The following COBLL1 variants were observed in gnomAD, a reference collection of about 807,000 sequenced individuals.
COBLL1 encodes cordon-bleu protein-like 1.
A neutral mutation model predicts 94.8 loss-of-function variants in COBLL1; 50 were observed. That is an observed-to-expected ratio of 0.53 (90% CI 0.42 to 0.67). COBLL1 has a LOEUF of 0.67. Ranked by LOEUF, COBLL1 falls within the 30% of genes least tolerant of loss-of-function variation. The probability of loss-of-function intolerance (pLI) is 0.00; values close to 1 mark genes in which losing one functional copy is unlikely to be tolerated. For synonymous variants in COBLL1, 448 were observed against 473.8 expected, an observed-to-expected ratio of 0.95 and a Z score of 0.71; for missense variants, 1,362 against 1,348.7, an observed-to-expected ratio of 1.01 and a Z score of -0.15.
At chr2:164,707,385 C>A (rs1173074697) in intron 7 of COBLL1, among the ~76,000 whole-genome samples, 1 of 152,140 alleles carries the variant, frequency 6.6e-6, no homozygotes, top group African/African-American at 2.4e-5. Context: ...AAGTGATCTG[C>A]CTGCCTTGGC....
At chr2:164,749,083 T>C (rs1687005722) in intron 2 of COBLL1, among the ~76,000 whole-genome samples, 2 of 152,088 alleles carry the variant, frequency 1.3e-5, no homozygotes, top group Admixed American at 1.3e-4. Flanking sequence ...ACTGTCAATA[T>C]AATATCCTTA....
chr2:164,766,708 T>C (rs1447261582), intron 2 of COBLL1, among the ~76,000 whole-genome samples: 3 of 152,176 alleles, frequency 2.0e-5, no homozygotes, highest in African/African-American at 7.2e-5. Flanking sequence ...TTCTTAAGAC[T>C]TCACAGCATA....
chr2:164,773,812 CATGT>C (rs1688329606), intron 2 of COBLL1: 1 of 1,218,392 alleles, frequency 8.2e-7, no homozygotes, highest in African/African-American at 1.6e-5. Flanking sequence ...AACTGTTTAT[CATGT>C]ATGTGTAAGC....
rs1033727998 is a variant in COBLL1 at position 164,680,693 on chromosome 2, G to A, written c.*5253C>T. 96 of 152,020 alleles carry A rather than the reference G, an allele frequency of 6.3e-4. No homozygotes were observed. Among genetic ancestry groups the A allele is most frequent in the African/African-American group, 2.3e-3 (96 of 41,378 alleles). The allele number at this position is 152,020 out of a possible 1,614,324, so 9.4% of individuals were successfully genotyped here. On this transcript the variant is annotated 3_prime_UTR_variant, in exon 14 of 14. Coordinates refer to ENST00000652658, the MANE Select transcript of COBLL1 (RefSeq NM_001365672.2). ...TACAGGATGCCTAGTTAGCTTGAAC[G>A]TCAGATAAACAATATAAAAATATAA...
rs149235808 is a variant in COBLL1, at chr2:164,694,709, C to G, written c.2683G>C (p.Ala895Pro). The G allele has an allele frequency of 1.1e-5, 17 of 1,613,684 alleles. No individual in the cohort carries two copies. Among genetic ancestry groups the G allele is most frequent in the African/African-American group, 1.3e-5 (1 of 74,910 alleles). The change falls in exon 12 of 14, where the codon GCT (alanine) becomes CCT (proline). Residue 895 changes from alanine (A) to proline (P), a missense_variant. Transcript: ENST00000652658. ...TCTTTATTTGTCAGTTCTTTTGGAG[C>G]AGGATTAGGGGCAGCATGGACACTC... ...AKSVHAAPNPAPKELTNKEAE... is the reference protein window; with the variant it reads ...AKSVHAAPNPPPKELTNKEAE...
intron 2 of COBLL1, among the ~76,000 whole-genome samples, chr2:164,793,956 A>G (rs768667620): frequency 6.6e-6 from 1 of 152,256 alleles, no homozygotes; most frequent in Non-Finnish European, 1.5e-5. Context: ...AATGTTACAG[A>G]AAGTTTTATC....
chr2:164,795,630 C>A (rs911152489), intron 2 of COBLL1, among the ~76,000 whole-genome samples: 2 of 151,976 alleles, frequency 1.3e-5, no homozygotes, highest in Admixed American at 6.6e-5. Context: ...TTTAATCATA[C>A]AGAACATACA....
At chr2:164,802,063 C>A (rs1683838466) in intron 2 of COBLL1, among the ~76,000 whole-genome samples, 1 of 152,036 alleles carries the variant, frequency 6.6e-6, no homozygotes, top group South Asian at 2.1e-4. Context: ...AAAATTAAAA[C>A]AAAATTTAAG....
At position 164,824,957 on chromosome 2, in the gene COBLL1, T is replaced by A. The variant is rs73968276; in HGVS notation, c.41+16199A>T. ...AAGCAAAGTGGTCAAGCAAATAGAT[T>A]CCAAATGACATCTGGATTCCAGGCT... is the stretch of plus-strand genomic sequence containing the variant. On this transcript the variant is annotated intron_variant, in intron 2 of 13. Transcript: ENST00000652658. 2.7e-3 allele frequency among the ~76,000 whole-genome samples: 415 copies of A among 152,348 alleles called. 3 individuals are homozygous for A. The highest frequency in any genetic ancestry group is 9.5e-3 in the African/African-American group (396 of 41,586).
chr2:164,694,309 T>G lies in COBLL1; in HGVS notation c.3083A>C (p.Asn1028Thr). Residue 1028 changes from asparagine to threonine, a missense_variant, in exon 12 of 14, where the codon AAT becomes ACT. Coordinates refer to ENST00000652658, the MANE Select transcript of COBLL1 (RefSeq NM_001365672.2). ...NTEEGKTHSV[N>T]KFVDIPQLGV... is the part of the protein sequence containing the mutation. ...AAGCTGTGGGATGTCCACAAATTTA[T>G]TTACAGAATGAGTCTTCCCTTCCTC... 2 of 1,613,860 alleles carry G rather than the reference T, an allele frequency of 1.2e-6. No homozygotes were observed. Among genetic ancestry groups the G allele is most frequent in the South Asian group, 2.2e-5 (2 of 91,060 alleles).
intron 2 of COBLL1, among the ~76,000 whole-genome samples, chr2:164,744,501 A>C (rs1420065152): frequency 6.6e-6 from 1 of 152,064 alleles, no homozygotes; most frequent in African/African-American, 2.4e-5. Context: ...CTCTACCTAC[A>C]TTTATAACTC....
chr2:164,831,614 G>A (rs1379059386), intron 2 of COBLL1, among the ~76,000 whole-genome samples: 2 of 151,920 alleles, frequency 1.3e-5, no homozygotes, highest in Non-Finnish European at 2.9e-5. Flanking sequence ...GGGAGCAAGA[G>A]ACAGGAAGAA....
In COBLL1 at chr2:164,726,132, C is replaced by T. The variant is rs79180180; in HGVS notation, c.661+1837G>A. Among the ~76,000 whole-genome samples the T allele has an allele frequency of 2.8e-3, 433 of 152,182 alleles. 1 individual carries two copies. The highest frequency in any genetic ancestry group is 9.5e-3 in the African/African-American group (395 of 41,522). On this transcript the variant is annotated intron_variant, in intron 5 of 13. Coordinates refer to ENST00000652658, the MANE Select transcript of COBLL1 (RefSeq NM_001365672.2). ...AAGGGATATTAGAAATCAGTGCATT[C>T]GACAACCTCAAAATGAGGCCAGAAA...
chr2:164,691,413 G>A (rs866340563), intron 13 of COBLL1, among the ~76,000 whole-genome samples: 3 of 152,240 alleles, frequency 2.0e-5, no homozygotes, highest in South Asian at 2.1e-4. Context: ...GAAATGCCTC[G>A]GGAGTTAATG....
chr2:164,772,052 T>A (rs183753793), intron 2 of COBLL1: 2 of 152,078 alleles, frequency 1.3e-5, no homozygotes, highest in Admixed American at 1.3e-4. Context: ...TCCTTATTAA[T>A]GACATCATTA....
chr2:164,740,143 C>A (rs1048390960), intron 3 of COBLL1, among the ~76,000 whole-genome samples: 7 of 152,052 alleles, frequency 4.6e-5, no homozygotes, highest in African/African-American at 1.4e-4. Flanking sequence ...TAAATGAAAC[C>A]CCATAGTAAA....
chr2:164,774,183 T>C (rs989070066), intron 2 of COBLL1, among the ~76,000 whole-genome samples: 3 of 152,050 alleles, frequency 2.0e-5, no homozygotes, highest in Non-Finnish European at 4.4e-5. Context: ...GCTGAGTATA[T>C]AAAAATAAAA....
intron 2 of COBLL1, among the ~76,000 whole-genome samples, chr2:164,833,253 T>C (rs1330400061): frequency 2.0e-5 from 3 of 151,204 alleles, no homozygotes; most frequent in Middle Eastern, 3.4e-3. Context: ...ACTAGGGAGG[T>C]TGAGGCGAGA....
At chr2:164,801,792 G>A (rs571707211) in intron 2 of COBLL1, among the ~76,000 whole-genome samples, 40 of 152,226 alleles carry the variant, frequency 2.6e-4, no homozygotes, top group African/African-American at 8.4e-4. Context: ...CATGACAGGA[G>A]AAAGAAATCA....
Sources: allele counts gnomAD v4.1 joint callset (sites outside exome capture counted in the v4.1 genomes callset), GRCh38; gene constraint gnomAD v4.1.1; transcripts MANE v1.5; gene names NCBI Gene and HGNC (gene_info 2026-07-23, HGNC 2026-07-21).